The following CSMD1 variants were observed in gnomAD, a reference collection of about 807,000 sequenced individuals.
CSMD1 encodes CUB and Sushi multiple domains 1.
A neutral mutation model predicts 417.5 loss-of-function variants in CSMD1; 213 were observed. The observed-to-expected ratio is 0.51, with a 90% CI of 0.46 to 0.57. CSMD1 has a LOEUF of 0.57. Among genes scored for constraint, CSMD1 ranks in the 20% least tolerant of loss-of-function variants. The probability of loss-of-function intolerance (pLI) is 0.00; values close to 1 mark genes in which losing one functional copy is unlikely to be tolerated. For missense variants in CSMD1, 6,923 were observed against 4,529.7 expected (o/e 1.53, Z -15.17); for synonymous variants, 2,862 against 1,736.8 (o/e 1.65, Z -16.11).
At chr8:4,027,945 G>A in intron 4 of CSMD1, among the ~76,000 whole-genome samples, 1 of 152,104 alleles carries the variant, frequency 6.6e-6, no homozygotes, top group Non-Finnish European at 1.5e-5. Flanking sequence ...AAATAAGGAA[G>A]AAGAAAGAAT....
Position 3,087,190 on chromosome 8 carries a change from G to C in CSMD1, c.7381C>G (p.Pro2461Ala), listed in dbSNP as rs750511395. ...CTGTGGCCGACCATTCGGTATCCAG[G>C]CTTGCAAAAATAATGCACTTTGCTT... ...VGSKVHYFCKPGYRMVGHSNA... is the reference protein window; with the variant it reads ...VGSKVHYFCKAGYRMVGHSNA... Residue 2461 changes from proline to alanine, a missense_variant, in exon 49 of 70, where the codon CCT becomes GCT. Physicochemically the swap from Pro to Ala is conservative, Grantham distance 27. Transcript: ENST00000635120. 16 of 1,613,840 alleles carry C rather than the reference G, an allele frequency of 9.9e-6. No homozygotes were observed. The highest frequency in any genetic ancestry group is 1.7e-4 in the Middle Eastern group (1 of 6,058).
At chr8:3,294,360 G>C (rs1563236618) in intron 25 of CSMD1, among the ~76,000 whole-genome samples, 1 of 152,174 alleles carries the variant, frequency 6.6e-6, no homozygotes, top group African/African-American at 2.4e-5. Context: ...TGTCAGACAG[G>C]GACATTTAAG....
chr8:3,079,004 G>C (rs115582626), intron 49 of CSMD1, among the ~76,000 whole-genome samples: 2 of 152,106 alleles, frequency 1.3e-5, no homozygotes, highest in African/African-American at 2.4e-5. Flanking sequence ...TGCAGATAAA[G>C]AACTTCAGTG....
intron 12 of CSMD1, among the ~76,000 whole-genome samples, chr8:3,424,235 T>A (rs1813677519): frequency 1.3e-5 from 2 of 152,206 alleles, no homozygotes; most frequent in Admixed American, 1.3e-4. Context: ...CATAATGAAA[T>A]ACACCATGAT....
intron 25 of CSMD1, among the ~76,000 whole-genome samples, chr8:3,287,710 G>T (rs962038043): frequency 6.6e-6 from 1 of 152,096 alleles, no homozygotes; most frequent in South Asian, 2.1e-4. Flanking sequence ...GGGCTGAGAC[G>T]ATGGGGTTTT....
intron 5 of CSMD1, among the ~76,000 whole-genome samples, chr8:3,887,007 C>T (rs1806610884): frequency 6.6e-6 from 1 of 152,126 alleles, no homozygotes; most frequent in Non-Finnish European, 1.5e-5. Context: ...TCACCTGGTA[C>T]CACATGGACT....
At chr8:4,875,406 T>G (rs535466945) in intron 1 of CSMD1, among the ~76,000 whole-genome samples, 4 of 152,172 alleles carry the variant, frequency 2.6e-5, no homozygotes, top group Admixed American at 1.3e-4. Context: ...CAGAATAAAT[T>G]GTTAAACAGG....
rs570337932 is a variant in CSMD1 at position 3,466,852 on chromosome 8, T to C, written c.1561+1860A>G. ...TTTGTCTTCAACTGTTAGCTTAATA[T>C]AGTACTCTGGAAATATGCATTTTTA... is the stretch of plus-strand genomic sequence containing the variant. On this transcript the variant is annotated intron_variant, in intron 12 of 69. Transcript: ENST00000635120. Among the ~76,000 whole-genome samples the C allele has an allele frequency of 5.3e-5, 8 of 152,356 alleles. No individual in the cohort carries two copies. The South Asian group carries it at 1.4e-3, about 28-fold the overall frequency.
At position 3,557,439 on chromosome 8, in the gene CSMD1, A is replaced by G. The variant is rs560114912; in HGVS notation, c.1344+17506T>C. 2.8e-4 allele frequency among the ~76,000 whole-genome samples: 43 copies of G among 152,332 alleles called. No homozygotes were observed. In the South Asian group the frequency reaches 3.5e-3, roughly 12 times the overall value. ...TGCCAAACGCTGTGCACAAGACTGGAAATTCAAAGAGGTTTTAGACATAGG... is the reference window on the plus strand; with the variant it reads ...TGCCAAACGCTGTGCACAAGACTGGGAATTCAAAGAGGTTTTAGACATAGG... On this transcript the variant is annotated intron_variant, in intron 10 of 69. Transcript: ENST00000635120.
chr8:4,635,757 A>C (rs1025913315), intron 2 of CSMD1, among the ~76,000 whole-genome samples: 1 of 152,122 alleles, frequency 6.6e-6, no homozygotes, highest in African/African-American at 2.4e-5. Context: ...TAAATTATTT[A>C]AGAAAGCCTA....
chr8:4,736,418 T>C (rs1810237325), intron 1 of CSMD1, among the ~76,000 whole-genome samples: 1 of 151,870 alleles, frequency 6.6e-6, no homozygotes. Flanking sequence ...TAGAAATTGG[T>C]GAATGAATTT....
At chr8:3,424,845 T>C (rs917980291) in intron 12 of CSMD1, among the ~76,000 whole-genome samples, 1 of 152,190 alleles carries the variant, frequency 6.6e-6, no homozygotes, top group Admixed American at 6.5e-5. Flanking sequence ...TTTTTTTAAA[T>C]ATTATTTTAT....
chr8:3,179,144 A>ACT, intron 37 of CSMD1, among the ~76,000 whole-genome samples: 2 of 150,488 alleles, frequency 1.3e-5, no homozygotes, highest in East Asian at 3.9e-4. Flanking sequence ...ACGGGGTTTC[A>ACT]ACGTGTTAGC....
chr8:3,692,662 A>G (rs1031118319), intron 7 of CSMD1, among the ~76,000 whole-genome samples: 2 of 151,932 alleles, frequency 1.3e-5, no homozygotes, highest in Admixed American at 6.6e-5. Flanking sequence ...CGAACCCCTG[A>G]CCTCAAATGA....
At chr8:3,306,741 A>C (rs767668386) in intron 25 of CSMD1, among the ~76,000 whole-genome samples, 1 of 152,204 alleles carries the variant, frequency 6.6e-6, no homozygotes, top group Admixed American at 6.5e-5. Flanking sequence ...TTAAACAAGA[A>C]CTAAAAATAA....
chr8:3,580,631 G>A (rs918576313), intron 9 of CSMD1, among the ~76,000 whole-genome samples: 1 of 152,078 alleles, frequency 6.6e-6, no homozygotes, highest in Non-Finnish European at 1.5e-5. Context: ...CAGGTAAAAA[G>A]TATAAAGCTT....
chr8:3,400,294 T>C (rs1811959603), intron 15 of CSMD1, among the ~76,000 whole-genome samples: 1 of 152,194 alleles, frequency 6.6e-6, no homozygotes, highest in Non-Finnish European at 1.5e-5. Flanking sequence ...TCTCTCAAAA[T>C]TATTTGCCAT....
At chr8:3,114,293 A>C (rs1816720941) in intron 42 of CSMD1, among the ~76,000 whole-genome samples, 2 of 151,976 alleles carry the variant, frequency 1.3e-5, no homozygotes, top group South Asian at 4.1e-4. Context: ...TAAAACCTTG[A>C]ACGTTTGCTA....
intron 3 of CSMD1, among the ~76,000 whole-genome samples, chr8:4,038,538 T>A (rs1003593151): frequency 1.8e-4 from 28 of 152,228 alleles, no homozygotes; most frequent in Non-Finnish European, 3.5e-4. Flanking sequence ...TAACTGAATT[T>A]TAACCAGTTT....
Sources: gnomAD v4.1 joint callset for allele counts (sites outside exome capture counted in the v4.1 genomes callset) on GRCh38, gnomAD v4.1.1 for gene constraint, MANE v1.5 for transcripts, NCBI Gene and HGNC (gene_info 2026-07-23, HGNC 2026-07-21) for gene names.